The following CDH4 variants were observed in gnomAD, a reference collection of about 807,000 sequenced individuals.
CDH4 encodes cadherin 4.
CDH4 carries 33 observed loss-of-function variants against 86.0 expected under a neutral mutation model. The ratio of observed to expected loss-of-function variants is 0.38; its 90% confidence interval spans 0.29 to 0.51. The LOEUF is 0.51. Ranked by LOEUF, CDH4 falls within the 20% of genes least tolerant of loss-of-function variation. The probability of loss-of-function intolerance (pLI) is 0.86; values close to 1 mark genes in which losing one functional copy is unlikely to be tolerated. For synonymous variants in CDH4, 555 were observed against 549.4 expected (o/e 1.01, Z -0.14); for missense variants, 1,114 against 1,307.4 (o/e 0.85, Z 2.28).
chr20:61,782,718 T>C (rs942935550), intron 4 of CDH4, among the ~76,000 whole-genome samples: 40 of 152,240 alleles, frequency 2.6e-4, no homozygotes, highest in Admixed American at 1.4e-3. Flanking sequence ...AGTGGTCCAA[T>C]ATTAACTCTA....
chr20:61,288,514 C>A (rs1396228938), intron 2 of CDH4, among the ~76,000 whole-genome samples: 6 of 152,176 alleles, frequency 3.9e-5, no homozygotes, highest in Non-Finnish European at 7.3e-5. Context: ...GCCAAGAGCC[C>A]CTGAGCATGG....
At chr20:61,366,625 T>G (rs777224835) in intron 2 of CDH4, among the ~76,000 whole-genome samples, 1 of 152,234 alleles carries the variant, frequency 6.6e-6, no homozygotes, top group Non-Finnish European at 1.5e-5. Context: ...TAAAGGAATA[T>G]TGGGCTAGTT....
intron 2 of CDH4, among the ~76,000 whole-genome samples, chr20:61,466,784 G>C (rs2085474242): frequency 6.6e-6 from 1 of 151,982 alleles, no homozygotes; most frequent in African/African-American, 2.4e-5. Context: ...CTGGGAGGCA[G>C]AGGTTGCATT....
chr20:61,547,745 T>C (rs1233304991), intron 2 of CDH4, among the ~76,000 whole-genome samples: 1 of 152,216 alleles, frequency 6.6e-6, no homozygotes, highest in Non-Finnish European at 1.5e-5. Context: ...GCTGCCTTTC[T>C]GGGAATGGCC....
intron 1 of CDH4, among the ~76,000 whole-genome samples, chr20:61,254,159 G>A (rs1178185479): frequency 6.6e-6 from 1 of 152,198 alleles, no homozygotes; most frequent in Non-Finnish European, 1.5e-5. Flanking sequence ...TAGGGGAGCC[G>A]TCTCCCTGCC....
chr20:61,922,876 G>A (rs755610039), intron 9 of CDH4, among the ~76,000 whole-genome samples: 2 of 152,208 alleles, frequency 1.3e-5, no homozygotes, highest in South Asian at 2.1e-4. Flanking sequence ...CCACCTTAGC[G>A]TCCTGAAGCC....
intron 8 of CDH4, among the ~76,000 whole-genome samples, chr20:61,898,155 G>A (rs1470982294): frequency 1.3e-5 from 2 of 152,224 alleles, no homozygotes; most frequent in Non-Finnish European, 2.9e-5. Flanking sequence ...ATGCCTCACC[G>A]TGGGACGGAG....
At chr20:61,593,870 C>T (rs76129816) in intron 2 of CDH4, among the ~76,000 whole-genome samples, 2,881 of 151,136 alleles carry the variant, frequency 0.019, 74 homozygotes, top group African/African-American at 0.057. Context: ...CACCAAGGGT[C>T]CCCCCAGCAG....
chr20:61,706,613 T>TG (rs1174409071), intron 2 of CDH4, among the ~76,000 whole-genome samples: 2 of 152,090 alleles, frequency 1.3e-5, no homozygotes, highest in African/African-American at 4.8e-5. Flanking sequence ...TGGGATCTGC[T>TG]GGAAGAGAGG....
chr20:61,798,126 C>A (rs1335317605), intron 4 of CDH4, among the ~76,000 whole-genome samples: 2 of 152,200 alleles, frequency 1.3e-5, no homozygotes, highest in African/African-American at 4.8e-5. Context: ...GTCACACCGT[C>A]AGTCACCGCC....
At chr20:61,362,907 T>A (rs2084792138) in intron 2 of CDH4, among the ~76,000 whole-genome samples, 1 of 152,194 alleles carries the variant, frequency 6.6e-6, no homozygotes, top group African/African-American at 2.4e-5. Flanking sequence ...TTCCTAACTT[T>A]TCAAGAATGT....
At chr20:61,415,683 C>G (rs1264715777) in intron 2 of CDH4, among the ~76,000 whole-genome samples, 1 of 152,132 alleles carries the variant, frequency 6.6e-6, no homozygotes, top group African/African-American at 2.4e-5. Flanking sequence ...AAAGTTCACC[C>G]ATGTTATAGC....
rs914406594 is a variant in CDH4 at position 61,754,324 on chromosome 20, G to A, written c.396+10535G>A. 6.6e-6 allele frequency among the ~76,000 whole-genome samples: 1 copy of A among 152,124 alleles called. No homozygotes were observed. The highest frequency in any genetic ancestry group is 2.4e-5 in the African/African-American group (1 of 41,414). ...AAGGCATCCCCGAAGGCAGGGAGGA[G>A]TGTCCCCAGCCAGGGGTCCCGCCCA... On this transcript the variant is annotated intron_variant, in intron 3 of 15. Transcript: ENST00000614565. The surrounding 1 kb of genome is among the most constrained non-coding windows in gnomAD (Gnocchi z 4.7).
At position 61,892,185 on chromosome 20, in the gene CDH4, T is replaced by G. The variant is rs568919673; in HGVS notation, c.1051-2725T>G. On this transcript the variant is annotated intron_variant, in intron 7 of 15. Coordinates refer to ENST00000614565, the MANE Select transcript of CDH4 (RefSeq NM_001794.5). The stretch of plus-strand genomic sequence containing the variant: ...TTGCTGTCATGTATAAGTTGGATCC[T>G]GTGATGCACTTAAAGCCCGTTGGTG... 1.3e-4 allele frequency among the ~76,000 whole-genome samples: 20 copies of G among 152,356 alleles called. No homozygotes were observed. In the South Asian group the frequency reaches 3.9e-3, roughly 30 times the overall value.
chr20:61,788,318 A>G (rs1600988950), intron 4 of CDH4, among the ~76,000 whole-genome samples: 1 of 152,266 alleles, frequency 6.6e-6, no homozygotes, highest in Admixed American at 6.5e-5. Context: ...AGCCAGAAAA[A>G]GAAACAGCCC....
chr20:61,347,190 G>T (rs139227954), intron 2 of CDH4, among the ~76,000 whole-genome samples: 2 of 152,156 alleles, frequency 1.3e-5, no homozygotes, highest in Non-Finnish European at 2.9e-5. Flanking sequence ...TCATAGCCTC[G>T]TGCCCCACAT....
intron 2 of CDH4, among the ~76,000 whole-genome samples, chr20:61,695,797 C>T (rs1052349917): frequency 8.5e-5 from 13 of 152,254 alleles, no homozygotes; most frequent in Admixed American, 5.2e-4. Context: ...CAACCTCCTT[C>T]GTCCAATCCT....
intron 2 of CDH4, among the ~76,000 whole-genome samples, chr20:61,652,938 A>ATTTTTATTTTTTTTTTTTTTTTT (rs2087138479): frequency 1.0e-5 from 1 of 97,402 alleles, no homozygotes; most frequent in Non-Finnish European, 2.4e-5. Flanking sequence ...TTATTTATTT[A>ATTTTTATTTTTTTTTTTTTTTTT]TTTTTTTTTT....
intron 2 of CDH4, among the ~76,000 whole-genome samples, chr20:61,522,617 T>TC (rs1568876092): frequency 6.6e-6 from 1 of 152,138 alleles, no homozygotes; most frequent in Non-Finnish European, 1.5e-5. Flanking sequence ...TGATTCATTT[T>TC]CCCCCCAGCC....
Sources: allele counts gnomAD v4.1 joint callset (sites outside exome capture counted in the v4.1 genomes callset), GRCh38; gene constraint gnomAD v4.1.1; non-coding constraint Gnocchi (gnomAD v3.1); transcripts MANE v1.5; gene names NCBI Gene and HGNC (gene_info 2026-07-23, HGNC 2026-07-21).